The following WDR1 variants were observed in gnomAD, a reference collection of about 807,000 sequenced individuals.
The protein encoded by WDR1 is WD repeat-containing protein 1.
A neutral mutation model predicts 71.9 loss-of-function variants in WDR1; 21 were observed. That is an observed-to-expected ratio of 0.29 (90% confidence interval 0.21 to 0.42). The LOEUF (loss-of-function observed/expected upper bound fraction) is 0.42. WDR1 is among the 10% of genes least tolerant of loss of function. The pLI is 1.00. For missense variants in WDR1, 696 were observed against 824.5 expected, an observed-to-expected ratio of 0.84 and a Z score of 1.91; for synonymous variants, 424 against 347.4, an observed-to-expected ratio of 1.22 and a Z score of -2.45.
chr4:10,094,337 C>G lies in WDR1; in HGVS notation c.558+3374G>C, dbSNP rs573178137. Among the ~76,000 whole-genome samples the G allele has an allele frequency of 2.6e-5, 4 of 152,320 alleles. No individual in the cohort carries two copies. In the East Asian group the frequency reaches 7.7e-4, roughly 29 times the overall value. ...TAGACCACCAAACCAACTGCTCACC[C>G]GACCGGAGGAAGCGGATGGCCAGAG... On this transcript the variant is annotated intron_variant, in intron 5 of 14. Coordinates refer to ENST00000499869, the MANE Select transcript of WDR1 (RefSeq NM_017491.5).
chr4:10,086,449 T>C (rs1377329344), intron 8 of WDR1, among the ~76,000 whole-genome samples: 1 of 152,194 alleles, frequency 6.6e-6, no homozygotes, highest in Non-Finnish European at 1.5e-5. Flanking sequence ...GGTGACCTGG[T>C]CCGTAGGAGT....
chr4:10,081,411 TG>T lies in WDR1; in HGVS notation c.1229del (p.Pro410GlnfsTer4), dbSNP rs1392683645. ...CCCCGGGGCCGACGGCTACGCACTT[TG>T]GCTGAACGTCCAGTTTCACAACTCC... is the stretch of plus-strand genomic sequence containing the variant. Reference protein sequence around the residue: ...GQGVVKLDVQPKCVAVGPGGY... With the variant: ...GQGVVKLDVQXKCVAVGPGGY... On this transcript the variant is annotated frameshift_variant, in exon 11 of 15. Coordinates refer to ENST00000499869, the MANE Select transcript of WDR1 (RefSeq NM_017491.5). LOFTEE classifies it high-confidence loss of function. The T allele has an allele frequency of 6.2e-7, 1 of 1,613,812 alleles. No individual in the cohort carries two copies. Among genetic ancestry groups the T allele is most frequent in the African/African-American group, 1.3e-5 (1 of 74,898 alleles).
chr4:10,112,900 G>C (rs1476956084), intron 2 of WDR1, among the ~76,000 whole-genome samples: 3 of 152,248 alleles, frequency 2.0e-5, no homozygotes, highest in African/African-American at 7.2e-5. Flanking sequence ...TGCCCAGTTA[G>C]GGGGACAGGC....
rs753880099 is a variant in WDR1 at position 10,098,973 on chromosome 4, G to A, written c.377+19C>T. The A allele has an allele frequency of 6.2e-7, 1 of 1,613,830 alleles. No individual in the cohort carries two copies. The highest frequency in any genetic ancestry group is 2.2e-5 in the East Asian group (1 of 44,886). On this transcript the variant is annotated intron_variant, in intron 4 of 14. Coordinates refer to ENST00000499869, the MANE Select transcript of WDR1 (RefSeq NM_017491.5). ...AGCCACAGCAACAGGGCAGGGAGGG[G>A]CTGAGAGGAGTGACTCACTTCTCCC...
At position 10,099,099 on chromosome 4, in the gene WDR1, C is replaced by T; in HGVS notation, c.270G>A (p.Lys90=). 2 of 1,547,440 alleles carry T rather than the reference C, an allele frequency of 1.3e-6. No homozygotes were observed. Among genetic ancestry groups the T allele is most frequent in the Non-Finnish European group, 8.8e-7 (1 of 1,138,690 alleles). Residue 90 remains lysine (K), a synonymous_variant, in exon 4 of 15, where the codon AAG becomes AAA. Transcript: ENST00000499869. ...GGTACTCATACTTCAACAGGTGCTC[C>T]TTCTGCGTGGTATCCCAGATCCTCA... ...GKLRIWDTTQ[K]EHLLKYEYQP... is the part of the protein sequence containing the mutation.
intron 11 of WDR1, among the ~76,000 whole-genome samples, chr4:10,079,750 G>GT (rs772657764): frequency 6.6e-6 from 1 of 152,222 alleles, no homozygotes; most frequent in Non-Finnish European, 1.5e-5. Flanking sequence ...CTGGGCTTCT[G>GT]TTTCTGCGTG....
chr4:10,115,788 A>G (rs993337203), intron 2 of WDR1: 1 of 224,462 alleles, frequency 4.5e-6, no homozygotes, highest in Non-Finnish European at 8.9e-6. Flanking sequence ...GGAATGAACT[A>G]ATCTAATCTC....
chr4:10,099,169 GGAGGCGGTGGTGGGGT>G, intron 3 of WDR1, 30 bp from the exon 4 acceptor site: 2 of 1,247,294 alleles, frequency 1.6e-6, no homozygotes, highest in Non-Finnish European at 2.3e-6. Context: ...GGGGAGGGGG[GGAGGCGGTGGTGGGGT>G]AAAGGGCAGG....
At chr4:10,116,584 T>C in intron 1 of WDR1, 67 bp downstream of exon 1, 1 of 1,119,740 alleles carries the variant, frequency 8.9e-7, no homozygotes, top group Non-Finnish European at 1.1e-6. Flanking sequence ...GCACGGCGCC[T>C]AGGGGCCGGG....
At position 10,075,493 on chromosome 4, in the gene WDR1, A is replaced by G. The variant is rs1480928826; in HGVS notation, c.1715-9T>C. ...GTGCAGCCGGTGTGCATCTGGGAAGAAAGGGTGCAATTTAACGAAAAGCCA... is the reference window on the plus strand; with the variant it reads ...GTGCAGCCGGTGTGCATCTGGGAAGGAAGGGTGCAATTTAACGAAAAGCCA... On this transcript the variant is annotated splice_polypyrimidine_tract_variant and intron_variant, in intron 14 of 14. Coordinates refer to ENST00000499869, the MANE Select transcript of WDR1 (RefSeq NM_017491.5). The G allele has an allele frequency of 1.2e-6, 2 of 1,613,678 alleles. No individual in the cohort carries two copies. Among genetic ancestry groups the G allele is most frequent in the South Asian group, 2.2e-5 (2 of 91,022 alleles).
intron 2 of WDR1, among the ~76,000 whole-genome samples, chr4:10,104,657 C>A (rs539094885): frequency 2.0e-5 from 3 of 152,184 alleles, no homozygotes; most frequent in African/African-American, 4.8e-5. Context: ...TAGATCCCTG[C>A]GCCTCCCTCC....
At chr4:10,114,046 T>G (rs1713556473) in intron 2 of WDR1, among the ~76,000 whole-genome samples, 1 of 152,122 alleles carries the variant, frequency 6.6e-6, no homozygotes, top group African/African-American at 2.4e-5. Context: ...ATGTCACTTT[T>G]TTTTCCAAGA....
chr4:10,093,269 T>G, intron 5 of WDR1: 1 of 615,164 alleles, frequency 1.6e-6, no homozygotes, highest in Non-Finnish European at 2.5e-6. Flanking sequence ...CTTAGGCTGT[T>G]CACATGCCTA....
chr4:10,088,997 C>T (rs1296795638), intron 5 of WDR1, among the ~76,000 whole-genome samples: 1 of 152,218 alleles, frequency 6.6e-6, no homozygotes, highest in African/African-American at 2.4e-5. Context: ...AGGCAGACCA[C>T]CTCCAGTTAT....
At chr4:10,080,933 G>A (rs1466401466) in intron 11 of WDR1, among the ~76,000 whole-genome samples, 1 of 152,208 alleles carries the variant, frequency 6.6e-6, no homozygotes, top group African/African-American at 2.4e-5. Context: ...TGTGAGTGCT[G>A]GGGATGGGAA....
intron 11 of WDR1, among the ~76,000 whole-genome samples, chr4:10,079,777 C>T (rs1338930024): frequency 2.0e-5 from 3 of 152,150 alleles, no homozygotes; most frequent in African/African-American, 7.2e-5. Flanking sequence ...GGGTGGATCG[C>T]GATGAATGGT....
intron 2 of WDR1, among the ~76,000 whole-genome samples, chr4:10,112,227 A>T (rs1489172781): frequency 6.6e-6 from 1 of 152,154 alleles, no homozygotes. Flanking sequence ...CATAAGAGGC[A>T]GAGGTGATGC....
At chr4:10,084,836 T>C (rs1156283504) in intron 8 of WDR1, among the ~76,000 whole-genome samples, 1 of 152,204 alleles carries the variant, frequency 6.6e-6, no homozygotes, top group Non-Finnish European at 1.5e-5. Flanking sequence ...CGTCAGCACC[T>C]GAGCACCTAA....
At chr4:10,081,517 G>A (rs1399970505) in intron 10 of WDR1, 73 bp from the exon 11 acceptor site, 1 of 1,419,806 alleles carries the variant, frequency 7.0e-7, no homozygotes, top group Non-Finnish European at 9.9e-7. Flanking sequence ...CATATTTACT[G>A]TTAAACCACA....
Sources: gnomAD v4.1 joint callset for allele counts (sites outside exome capture counted in the v4.1 genomes callset) on GRCh38, gnomAD v4.1.1 for gene constraint, MANE v1.5 for transcripts, NCBI Gene and HGNC (gene_info 2026-07-23, HGNC 2026-07-21) for gene names.